RIT2: variants seen among roughly 807,000 people sequenced by gnomAD.
RIT2 encodes the protein GTP-binding protein Rit2.
A neutral mutation model predicts 23.7 loss-of-function variants in RIT2; 24 were observed. That is an observed-to-expected ratio of 1.01 (90% CI 0.73 to 1.43). RIT2 has a LOEUF of 1.43. Among genes scored for constraint, RIT2 ranks in the 40% most tolerant of loss-of-function variants. RIT2 has a pLI of 0.00. For missense variants in RIT2, 236 were observed against 266.9 expected (o/e 0.88, Z 0.81); for synonymous variants, 107 against 91.1 (o/e 1.17, Z -0.99).
intron 4 of RIT2, among the ~76,000 whole-genome samples, chr18:42,897,414 T>G (rs1237477840): frequency 6.6e-6 from 1 of 152,120 alleles, no homozygotes. Flanking sequence ...ACAAAATAGA[T>G]GAGAATGCCT....
At chr18:42,876,930 G>A (rs73471651) in intron 4 of RIT2, among the ~76,000 whole-genome samples, 3,908 of 151,716 alleles carry the variant, frequency 0.026, 163 homozygotes, top group African/African-American at 0.087. Context: ...CCTGGTAAGC[G>A]TAGTGGAAAA....
At chr18:43,022,563 C>T (rs1008068957) in intron 2 of RIT2, among the ~76,000 whole-genome samples, 6 of 151,896 alleles carry the variant, frequency 4.0e-5, no homozygotes, top group African/African-American at 9.7e-5. Flanking sequence ...TCACATGTAC[C>T]CCATTAAATA....
chr18:43,021,011 C>T (rs745315727), intron 2 of RIT2, among the ~76,000 whole-genome samples: 2 of 151,846 alleles, frequency 1.3e-5, no homozygotes, highest in African/African-American at 4.8e-5. Context: ...AATAGACAAA[C>T]GGGGCTGTAT....
intron 1 of RIT2, among the ~76,000 whole-genome samples, chr18:43,035,850 T>C (rs1204193001): frequency 1.3e-5 from 2 of 152,358 alleles, no homozygotes; most frequent in East Asian, 1.9e-4. Flanking sequence ...TGTAGTTCTT[T>C]ATCCTTTGCC....
chr18:42,917,110 G>A (rs941347907), intron 4 of RIT2, among the ~76,000 whole-genome samples: 3 of 152,042 alleles, frequency 2.0e-5, no homozygotes, highest in African/African-American at 4.8e-5. Flanking sequence ...CTTGATGGCC[G>A]GAAGCTATCT....
At chr18:42,832,430 T>G (rs563842668) in intron 4 of RIT2, among the ~76,000 whole-genome samples, 1 of 152,320 alleles carries the variant, frequency 6.6e-6, no homozygotes, top group Non-Finnish European at 1.5e-5. Flanking sequence ...TTTTTCTTCT[T>G]AGATTATTTC....
At chr18:43,005,636 G>T (rs907564325) in intron 2 of RIT2, among the ~76,000 whole-genome samples, 12 of 151,684 alleles carry the variant, frequency 7.9e-5, no homozygotes, top group African/African-American at 2.9e-4. Flanking sequence ...CAAGGGCATA[G>T]ATTTTGTCTC....
chr18:42,940,804 C>A (rs1909582669), intron 3 of RIT2, among the ~76,000 whole-genome samples: 2 of 152,238 alleles, frequency 1.3e-5, no homozygotes, highest in South Asian at 4.2e-4. Context: ...ATGAGAATCT[C>A]AATTTAACTC....
At chr18:43,096,944 G>A (rs1913568512) in intron 1 of RIT2, among the ~76,000 whole-genome samples, 1 of 151,658 alleles carries the variant, frequency 6.6e-6, no homozygotes. Context: ...TGTAATGAAG[G>A]GATAAAGAGC....
intron 4 of RIT2, among the ~76,000 whole-genome samples, chr18:42,869,502 T>G (rs1907561745): frequency 1.3e-5 from 2 of 152,242 alleles, no homozygotes; most frequent in African/African-American, 4.8e-5. Context: ...CCTCAATACT[T>G]CACTAAGTAT....
chr18:43,039,538 G>A (rs766384502), intron 1 of RIT2, among the ~76,000 whole-genome samples: 2 of 151,884 alleles, frequency 1.3e-5, no homozygotes, highest in Admixed American at 6.6e-5. Context: ...AATAGAGACA[G>A]GGTTTCTCCG....
intron 1 of RIT2, among the ~76,000 whole-genome samples, chr18:43,072,479 A>T (rs946172043): frequency 5.3e-5 from 8 of 152,356 alleles, no homozygotes; most frequent in African/African-American, 1.9e-4. Context: ...AAAACAGGAC[A>T]TCATTCTCAG....
intron 4 of RIT2, among the ~76,000 whole-genome samples, chr18:42,833,288 G>A (rs1318973839): frequency 6.6e-6 from 1 of 152,030 alleles, no homozygotes; most frequent in East Asian, 1.9e-4. Flanking sequence ...ATAACCTCTA[G>A]TTCCATGTTG....
intron 1 of RIT2, among the ~76,000 whole-genome samples, chr18:43,038,240 C>A (rs1598757052): frequency 7.3e-6 from 1 of 136,100 alleles, no homozygotes; most frequent in Non-Finnish European, 1.6e-5. Context: ...TTTTTTTTTT[C>A]AGGTACAAGT....
intron 4 of RIT2, among the ~76,000 whole-genome samples, chr18:42,868,578 T>C (rs1213511278): frequency 6.6e-6 from 1 of 152,254 alleles, no homozygotes; most frequent in Non-Finnish European, 1.5e-5. Context: ...GGCAGCAGTG[T>C]AGACACTGTG....
At chr18:42,804,627 T>A (rs923907993) in intron 4 of RIT2, among the ~76,000 whole-genome samples, 1 of 143,692 alleles carries the variant, frequency 7.0e-6, no homozygotes, top group Non-Finnish European at 1.5e-5. Flanking sequence ...ATTCTAGGTA[T>A]CCCCAAGGGT....
chr18:42,809,108 T>C lies in RIT2; in HGVS notation c.427-65388A>G, dbSNP rs72903100. 6.3e-3 allele frequency among the ~76,000 whole-genome samples: 954 copies of C among 152,302 alleles called. 10 individuals are homozygous for C. Among genetic ancestry groups the C allele is most frequent in the Non-Finnish European group, 9.7e-3 (659 of 67,986 alleles). The stretch of plus-strand genomic sequence containing the variant: ...AAGGTCATAGATACTTATTGCATTA[T>C]GTGATTAATAGAAATATGAAATTCG... On this transcript the variant is annotated intron_variant, in intron 4 of 4. Transcript: ENST00000326695.
chr18:42,975,225 A>C (rs1450500809), intron 2 of RIT2, among the ~76,000 whole-genome samples: 5 of 152,024 alleles, frequency 3.3e-5, no homozygotes, highest in Non-Finnish European at 5.9e-5. Flanking sequence ...TGGTGACATA[A>C]AGAGATGTAG....
intron 1 of RIT2, among the ~76,000 whole-genome samples, chr18:43,114,447 T>C (rs1914021704): frequency 6.6e-6 from 1 of 152,140 alleles, no homozygotes; most frequent in South Asian, 2.1e-4. Flanking sequence ...CTTCGTCTTT[T>C]AATTTTTTTG....
Sources: gnomAD v4.1 joint callset for allele counts (sites outside exome capture counted in the v4.1 genomes callset) on GRCh38, gnomAD v4.1.1 for gene constraint, MANE v1.5 for transcripts, NCBI Gene and HGNC (gene_info 2026-07-23, HGNC 2026-07-21) for gene names.